The following FBXO38 variants were observed in gnomAD, a reference collection of about 807,000 sequenced individuals.
The protein encoded by FBXO38 is F-box protein 38, also known as F-box only protein 38.
A neutral mutation model predicts 131.9 loss-of-function variants in FBXO38; 53 were observed. The observed-to-expected ratio is 0.40, with a 90% CI of 0.32 to 0.51. The LOEUF (loss-of-function observed/expected upper bound fraction) is 0.51. Ranked by LOEUF, FBXO38 falls within the 20% of genes least tolerant of loss-of-function variation. The probability of loss-of-function intolerance (pLI) is 0.53; values close to 1 mark genes in which losing one functional copy is unlikely to be tolerated. For synonymous variants in FBXO38, 452 were observed against 505.6 expected, an observed-to-expected ratio of 0.89 and a Z score of 1.42; for missense variants, 1,076 against 1,475.6, an observed-to-expected ratio of 0.73 and a Z score of 4.44.
At chr5:148,426,778 A>T (rs1228455030) in intron 14 of FBXO38, among the ~76,000 whole-genome samples, 2 of 152,186 alleles carry the variant, frequency 1.3e-5, no homozygotes, top group East Asian at 3.9e-4. Flanking sequence ...AATAGGTAGT[A>T]ATATTACAGG....
Position 148,406,934 on chromosome 5 carries a change from G to T in FBXO38, c.868+540G>T, listed in dbSNP as rs1047235391. Among the ~76,000 whole-genome samples, 15 of 152,268 alleles carry T rather than the reference G, an allele frequency of 9.9e-5. No homozygotes were observed. The South Asian group carries it at 3.1e-3, about 32-fold the overall frequency. On this transcript the variant is annotated intron_variant, in intron 7 of 21. Coordinates refer to ENST00000340253, the MANE Select transcript of FBXO38 (RefSeq NM_205836.3). ...AATAATACGTAACAGAATGTGCTTT[G>T]TGTTAAACATCTCATTGCAGAAAAA...
chr5:148,410,526 A>G (rs1752689210), intron 8 of FBXO38, 109 bp from the exon 9 acceptor site: 4 of 1,275,778 alleles, frequency 3.1e-6, no homozygotes, highest in South Asian at 2.7e-5. Flanking sequence ...AGTCTCAGGT[A>G]CGTCTTTGTC....
intron 1 of FBXO38, chr5:148,390,045 A>G (rs1006015984): frequency 1.3e-5 from 2 of 152,316 alleles, no homozygotes; most frequent in African/African-American, 4.8e-5. Flanking sequence ...AAAAAAAAAA[A>G]AAGGTACCAT....
Position 148,422,964 on chromosome 5 carries a change from G to C in FBXO38, c.1619-1034G>C, listed in dbSNP as rs183785050. Among the ~76,000 whole-genome samples, 293 of 152,100 alleles carry C rather than the reference G, an allele frequency of 1.9e-3. 1 individual carries two copies. The South Asian group carries it at 0.025, about 13-fold the overall frequency. ...ACACAGATAACTGGTTTGTTTGTTT[G>C]TTTGTTTGTTTGTTTGTTTGTTTTA... On this transcript the variant is annotated intron_variant, in intron 12 of 21. Coordinates refer to ENST00000340253, the MANE Select transcript of FBXO38 (RefSeq NM_205836.3).
intron 7 of FBXO38, 131 bp from the exon 8 acceptor site, chr5:148,408,993 G>T: frequency 5.4e-6 from 3 of 555,152 alleles, no homozygotes; most frequent in African/African-American, 3.8e-5. Flanking sequence ...TAATTTCAAT[G>T]CAAAAACAAA....
chr5:148,421,045 C>T (rs982818934), intron 12 of FBXO38, among the ~76,000 whole-genome samples: 1 of 151,694 alleles, frequency 6.6e-6, no homozygotes, highest in Admixed American at 6.6e-5. Context: ...TGGCTCACTA[C>T]AACCTCCGCC....
chr5:148,409,619 C>T (rs907397131), intron 8 of FBXO38, among the ~76,000 whole-genome samples: 6 of 152,210 alleles, frequency 3.9e-5, no homozygotes, highest in African/African-American at 1.2e-4. Flanking sequence ...ATTCAGAAAT[C>T]AGTGTTTTAA....
intron 18 of FBXO38, among the ~76,000 whole-genome samples, 176 bp from the exon 19 acceptor site, chr5:148,439,471 G>T (rs1754547688): frequency 6.6e-6 from 1 of 151,050 alleles, no homozygotes; most frequent in African/African-American, 2.4e-5. Context: ...AGAAGAATTT[G>T]CAAAATTATT....
chr5:148,398,014 A>T (rs556951673), intron 2 of FBXO38, among the ~76,000 whole-genome samples: 2 of 152,234 alleles, frequency 1.3e-5, no homozygotes, highest in Non-Finnish European at 2.9e-5. Context: ...GAAAGGCAGC[A>T]TTGCCACCTG....
chr5:148,400,304 T>C (rs1442651913), intron 3 of FBXO38, among the ~76,000 whole-genome samples: 7 of 152,116 alleles, frequency 4.6e-5, no homozygotes, highest in African/African-American at 1.7e-4. Context: ...AAAATGATTG[T>C]CTTATTCCTT....
intron 12 of FBXO38, 191 bp from the exon 13 acceptor site, chr5:148,423,807 T>C: frequency 2.7e-6 from 1 of 368,166 alleles, no homozygotes; most frequent in Non-Finnish European, 4.9e-6. Flanking sequence ...TGATTTTCTC[T>C]CCTGTAGACT....
At chr5:148,407,728 T>C (rs1288204350) in intron 7 of FBXO38, among the ~76,000 whole-genome samples, 1 of 151,878 alleles carries the variant, frequency 6.6e-6, no homozygotes, top group Non-Finnish European at 1.5e-5. Flanking sequence ...ATCGAGACCA[T>C]CCTGGCTAAC....
intron 10 of FBXO38, among the ~76,000 whole-genome samples, 160 bp from the exon 11 acceptor site, chr5:148,415,768 A>G (rs763071884): frequency 3.1e-4 from 47 of 152,284 alleles, no homozygotes; most frequent in Middle Eastern, 3.4e-3. Flanking sequence ...AGGTATGTAA[A>G]CATCATAATT....
intron 12 of FBXO38, among the ~76,000 whole-genome samples, chr5:148,421,596 G>C (rs1753437451): frequency 6.8e-6 from 1 of 147,690 alleles, no homozygotes; most frequent in Non-Finnish European, 1.5e-5. Flanking sequence ...GGTGAATATT[G>C]ATATTTGATT....
chr5:148,435,557 G>A (rs964775027), intron 17 of FBXO38, among the ~76,000 whole-genome samples: 1 of 152,174 alleles, frequency 6.6e-6, no homozygotes, highest in African/African-American at 2.4e-5. Flanking sequence ...GGATCACGAG[G>A]TCAGGAGATC....
intron 10 of FBXO38, among the ~76,000 whole-genome samples, chr5:148,415,199 A>G (rs1036703000): frequency 2.6e-5 from 4 of 152,202 alleles, no homozygotes; most frequent in African/African-American, 7.2e-5. Flanking sequence ...TAAAAAAATA[A>G]CATTTATTGG....
At chr5:148,413,807 G>A (rs1334636307) in intron 9 of FBXO38, 5 of 187,278 alleles carry the variant, frequency 2.7e-5, no homozygotes, top group African/African-American at 2.3e-5. Context: ...AAATGATAAA[G>A]CTAAAACTTT....
chr5:148,392,424 A>T (rs1211406816), intron 1 of FBXO38, among the ~76,000 whole-genome samples: 1 of 151,566 alleles, frequency 6.6e-6, no homozygotes, highest in Non-Finnish European at 1.5e-5. Flanking sequence ...GGGGAGGGGG[A>T]GGGTTCGTGA....
chr5:148,428,503 A>G (rs548947591), intron 15 of FBXO38, among the ~76,000 whole-genome samples: 1 of 152,222 alleles, frequency 6.6e-6, no homozygotes, highest in Non-Finnish European at 1.5e-5. Context: ...CTCAAAACAT[A>G]TATGTGTATT....
Sources: gnomAD v4.1 joint callset for allele counts (sites outside exome capture counted in the v4.1 genomes callset) on GRCh38, gnomAD v4.1.1 for gene constraint, MANE v1.5 for transcripts, NCBI Gene and HGNC (gene_info 2026-07-23, HGNC 2026-07-21) for gene names.